NANOS3: variants seen among roughly 807,000 people sequenced by gnomAD.
The protein encoded by NANOS3 is nanos homolog 3.
Under a neutral mutation model 13.8 loss-of-function variants are expected in NANOS3, and 11 were observed. The ratio of observed to expected loss-of-function variants is 0.80; its 90% CI spans 0.50 to 1.32. The LOEUF is 1.32. Among genes scored for constraint, NANOS3 ranks in the 40% most tolerant of loss-of-function variants. NANOS3 has a pLI of 0.00. For synonymous variants in NANOS3, 119 were observed against 115.4 expected (o/e 1.03, Z -0.20); for missense variants, 221 against 263.8 (o/e 0.84, Z 1.12).
upstream of NANOS3, among the ~76,000 whole-genome samples, chr19:13,874,340 TC>T (rs1968465213): frequency 6.6e-6 from 1 of 152,202 alleles, no homozygotes; most frequent in South Asian, 2.1e-4. Context: ...TTGCCAGACT[TC>T]CCGGGAACAC....
upstream of NANOS3, chr19:13,874,851 G>A (rs765343099): frequency 2.5e-5 from 13 of 525,604 alleles, no homozygotes; most frequent in Middle Eastern, 3.2e-4. Context: ...GGGGCCTGGG[G>A]AGCCCCCAAT....
At position 13,877,578 on chromosome 19, in the gene NANOS3, C is replaced by G. The variant is rs767561782; in HGVS notation, c.330C>G (p.Tyr110Ter). 10 of 1,612,128 alleles carry G rather than the reference C, an allele frequency of 6.2e-6. No homozygotes were observed. Among genetic ancestry groups the G allele is most frequent in the Non-Finnish European group, 8.5e-6 (10 of 1,179,992 alleles). The change falls in exon 1 of 2, where the codon TAC becomes TAG. Residue 110 changes from tyrosine to a stop codon, truncating the protein, a stop_gained. Transcript: ENST00000339133. LOFTEE classifies it high-confidence loss of function. ...GRVLCPILRDYVCPQCGATRE... is the reference protein window; with the variant it reads ...GRVLCPILRD ...TGCTGTGTCCCATCCTGCGGGACTACGTGTGTCCCCAGTGCGGCGCCACAC... is the reference window on the plus strand; with the variant it reads ...TGCTGTGTCCCATCCTGCGGGACTAGGTGTGTCCCCAGTGCGGCGCCACAC...
chr19:13,867,886 T>G (rs1976266359), intron 1 of NANOS3, among the ~76,000 whole-genome samples: 1 of 152,016 alleles, frequency 6.6e-6, no homozygotes, highest in Non-Finnish European at 1.5e-5. Flanking sequence ...CTGAGACTTG[T>G]TTAGGCACTC....
At chr19:13,880,214 G>C (rs974643424) in intron 1 of NANOS3, among the ~76,000 whole-genome samples, 3 of 152,166 alleles carry the variant, frequency 2.0e-5, no homozygotes, top group African/African-American at 7.2e-5. Flanking sequence ...CGGCGGCCAC[G>C]AGAGGGCACC....
chr19:13,870,971 G>A (rs1599300330), intron 1 of NANOS3, among the ~76,000 whole-genome samples: 2 of 151,898 alleles, frequency 1.3e-5, no homozygotes, highest in East Asian at 1.9e-4. Context: ...CTGGGGTCAG[G>A]TGAGGGGTCC....
Position 13,877,612 on chromosome 19 carries a change from G to C in NANOS3, c.364G>C (p.Ala122Pro). ...CPQCGATRER[A>P]HTRRFCPLTG... is the part of the protein sequence containing the mutation. ...CCAGTGCGGCGCCACACGTGAGCGC[G>C]CCCACACCCGACGCTTCTGCCCACT... The change falls in exon 1 of 2, where the codon GCC becomes CCC. Residue 122 changes from alanine (A) to proline (P), a missense_variant. Physicochemically the swap from Ala to Pro is conservative, Grantham distance 27 (BLOSUM62 -1). Around this residue, in one of 3 missense-constraint regions of NANOS3, gnomAD observed 49 missense variants for 91.0 expected, o/e 0.54. Coordinates refer to ENST00000339133, the MANE Select transcript of NANOS3 (RefSeq NM_001098622.3). 1.2e-6 allele frequency: 2 copies of C among 1,611,922 alleles called. No homozygotes were observed. Among genetic ancestry groups the C allele is most frequent in the Non-Finnish European group, 1.7e-6 (2 of 1,179,986 alleles).
chr19:13,873,310 G>T (rs958082673), upstream of NANOS3, among the ~76,000 whole-genome samples: 23 of 150,432 alleles, frequency 1.5e-4, no homozygotes, highest in African/African-American at 5.4e-4. Flanking sequence ...CGTCCTCGGG[G>T]GCTCGGCCGG....
intron 1 of NANOS3, 33 bp downstream of exon 1, chr19:13,877,798 C>T (rs1366988257): frequency 7.9e-6 from 12 of 1,524,226 alleles, no homozygotes; most frequent in East Asian, 7.3e-5. Context: ...GGGACCTGTC[C>T]GAGGGTAGTG....
At chr19:13,863,807 C>T (rs1976191634), upstream of NANOS3, among the ~76,000 whole-genome samples, 1 of 152,052 alleles carries the variant, frequency 6.6e-6, no homozygotes. Flanking sequence ...TGGAACCAGA[C>T]TTTCTGGGCT....
chr19:13,878,056 G>A (rs991426806), intron 1 of NANOS3, among the ~76,000 whole-genome samples: 6 of 150,760 alleles, frequency 4.0e-5, no homozygotes, highest in Non-Finnish European at 5.9e-5. Context: ...TTATAGGCGC[G>A]CGCCACCACA....
chr19:13,866,932 ACAG>A (rs1273330277), intron 1 of NANOS3, among the ~76,000 whole-genome samples: 4 of 152,086 alleles, frequency 2.6e-5, no homozygotes, highest in African/African-American at 9.7e-5. Context: ...AACACATCTG[ACAG>A]CAGGTCACAC....
chr19:13,870,903 G>A (rs576933794), intron 1 of NANOS3, among the ~76,000 whole-genome samples: 178 of 151,772 alleles, frequency 1.2e-3, no homozygotes, highest in African/African-American at 4.2e-3. Context: ...TTAGAGGGCC[G>A]TCCCCCACAC....
At chr19:13,878,120 G>T (rs1486871135) in intron 1 of NANOS3, among the ~76,000 whole-genome samples, 3 of 152,036 alleles carry the variant, frequency 2.0e-5, no homozygotes, top group Non-Finnish European at 4.4e-5. Flanking sequence ...GTAGAGATGG[G>T]GTTTCACCAT....
chr19:13,864,372 C>T (rs1976199789), upstream of NANOS3, among the ~76,000 whole-genome samples: 2 of 152,164 alleles, frequency 1.3e-5, no homozygotes, highest in Non-Finnish European at 2.9e-5. Flanking sequence ...CCCTGAATTG[C>T]GTGTGTCCAT....
chr19:13,876,825 T>C (rs1009407072), upstream of NANOS3, among the ~76,000 whole-genome samples: 80 of 152,144 alleles, frequency 5.3e-4, no homozygotes, highest in African/African-American at 1.9e-3. Context: ...GGGGGTGGGG[T>C]TTCCAACCCA....
chr19:13,866,271 T>TG (rs374017170), intron 1 of NANOS3, among the ~76,000 whole-genome samples: 10 of 150,590 alleles, frequency 6.6e-5, no homozygotes, highest in African/African-American at 1.7e-4. Flanking sequence ...AGGCTGGGGG[T>TG]GGGGGGGTGG....
At chr19:13,868,857 A>G (rs1976281949) in intron 1 of NANOS3, among the ~76,000 whole-genome samples, 1 of 152,006 alleles carries the variant, frequency 6.6e-6, no homozygotes, top group Middle Eastern at 3.4e-3. Context: ...AATTACACAC[A>G]ATTAGCCTGA....
intron 1 of NANOS3, among the ~76,000 whole-genome samples, chr19:13,868,490 G>A (rs112389405): frequency 0.048 from 7,297 of 151,808 alleles, 181 homozygotes; most frequent in Middle Eastern, 0.082. Context: ...TTGGGAGGCC[G>A]AGGTGGCAGG....
At chr19:13,868,369 T>C (rs970862611) in intron 1 of NANOS3, among the ~76,000 whole-genome samples, 5 of 151,706 alleles carry the variant, frequency 3.3e-5, no homozygotes. Flanking sequence ...CCAATACTCA[T>C]TTATTGAGCA....
Sources: allele counts gnomAD v4.1 joint callset (sites outside exome capture counted in the v4.1 genomes callset), GRCh38; gene constraint gnomAD v4.1.1; regional missense constraint gnomAD v4.1.1; transcripts MANE v1.5; gene names NCBI Gene and HGNC (gene_info 2026-07-23, HGNC 2026-07-21).